Variants in RPIA observed in about 807,000 individuals in gnomAD.
RPIA encodes ribose-5-phosphate isomerase.
In RPIA, 29 loss-of-function variants were observed where a neutral mutation model predicts 37.8. The observed-to-expected ratio is 0.77, with a 90% CI of 0.57 to 1.05. RPIA has a LOEUF of 1.05. Ranked by LOEUF, RPIA falls within the 50% of genes least tolerant of loss-of-function variation. The pLI is 0.00. For synonymous variants in RPIA, 167 were observed against 157.0 expected, an observed-to-expected ratio of 1.06 and a Z score of -0.48; for missense variants, 385 against 413.6, an observed-to-expected ratio of 0.93 and a Z score of 0.60.
chr2:88,694,979 CAAAAA>C (rs61633535), intron 1 of RPIA, among the ~76,000 whole-genome samples: 2 of 119,130 alleles, frequency 1.7e-5, no homozygotes, highest in Non-Finnish European at 3.6e-5. Context: ...AATAAAGTCT[CAAAAA>C]AAAAAAAAAA....
intron 3 of RPIA, among the ~76,000 whole-genome samples, chr2:88,716,760 C>A (rs1268978400): frequency 6.6e-6 from 1 of 152,144 alleles, no homozygotes; most frequent in African/African-American, 2.4e-5. Flanking sequence ...GAAAGGAAGT[C>A]AAAATATTTT....
At chr2:88,729,018 C>T (rs1462842162) in intron 3 of RPIA, among the ~76,000 whole-genome samples, 1 of 152,194 alleles carries the variant, frequency 6.6e-6, no homozygotes, top group Non-Finnish European at 1.5e-5. Context: ...TCTTTCATCA[C>T]AAGTCACTGA....
chr2:88,697,936 A>G (rs562446331), intron 1 of RPIA, among the ~76,000 whole-genome samples: 58 of 152,272 alleles, frequency 3.8e-4, no homozygotes, highest in Non-Finnish European at 5.1e-4. Flanking sequence ...GAAGGTGCCT[A>G]TGGAAGACAC....
chr2:88,715,938 G>A (rs1673029962), intron 3 of RPIA, among the ~76,000 whole-genome samples: 1 of 152,140 alleles, frequency 6.6e-6, no homozygotes, highest in Non-Finnish European at 1.5e-5. Flanking sequence ...GTCAAGCTGG[G>A]AACTATGTCA....
intron 3 of RPIA, among the ~76,000 whole-genome samples, chr2:88,703,642 T>A (rs988043845): frequency 6.6e-6 from 1 of 152,164 alleles, no homozygotes; most frequent in Admixed American, 6.5e-5. Flanking sequence ...CACTTTTTTC[T>A]CCTAGGCCTC....
intron 3 of RPIA, among the ~76,000 whole-genome samples, chr2:88,701,691 A>G (rs1672835041): frequency 6.6e-6 from 1 of 152,296 alleles, no homozygotes; most frequent in Admixed American, 6.5e-5. Flanking sequence ...ACTATAGATC[A>G]GGGACACAGA....
intron 3 of RPIA, among the ~76,000 whole-genome samples, chr2:88,728,541 A>G (rs913134434): frequency 4.6e-5 from 7 of 152,242 alleles, no homozygotes; most frequent in Non-Finnish European, 1.0e-4. Context: ...TGACATGAAC[A>G]TAAACTCACA....
At chr2:88,729,405 C>T (rs1673238213) in intron 4 of RPIA, 68 bp downstream of exon 4, 1 of 1,401,902 alleles carries the variant, frequency 7.1e-7, no homozygotes, top group South Asian at 1.2e-5. Flanking sequence ...GTCACTTGTT[C>T]ATGGGCTCCA....
intron 1 of RPIA, among the ~76,000 whole-genome samples, chr2:88,692,295 GC>G (rs1400091243): frequency 6.6e-6 from 1 of 152,218 alleles, no homozygotes; most frequent in East Asian, 1.9e-4. Flanking sequence ...AGAGGCACTT[GC>G]CTTGTGGCCT....
At chr2:88,706,143 C>T (rs10192976) in intron 3 of RPIA, among the ~76,000 whole-genome samples, 5,966 of 152,106 alleles carry the variant, frequency 0.039, 391 homozygotes, top group African/African-American at 0.14. Flanking sequence ...GAAGATGGTG[C>T]GGCGATTTCT....
At chr2:88,721,094 TC>T (rs1286206500) in intron 3 of RPIA, among the ~76,000 whole-genome samples, 1 of 152,088 alleles carries the variant, frequency 6.6e-6, no homozygotes, top group Non-Finnish European at 1.5e-5. Context: ...AAACCATCAT[TC>T]TTAGCAAACT....
chr2:88,692,054 G>T lies in RPIA; in HGVS notation c.285+71G>T, dbSNP rs963513757. On this transcript the variant is annotated intron_variant, in intron 1 of 8. Coordinates refer to ENST00000283646, the MANE Select transcript of RPIA (RefSeq NM_144563.3). ...GATGGGCTACTGTTGCGCGTTGTGG[G>T]TGCTGCCGGGGCGCGCCTAGCTCCT... The T allele has an allele frequency of 1.7e-5, 26 of 1,504,994 alleles. No homozygotes were observed. The African/African-American group carries it at 2.1e-4, about 12-fold the overall frequency. The allele number at this position is 1,504,994 out of a possible 1,614,324, so 93.2% of individuals were successfully genotyped here.
chr2:88,706,850 A>G (rs1672903761), intron 3 of RPIA, among the ~76,000 whole-genome samples: 1 of 152,188 alleles, frequency 6.6e-6, no homozygotes, highest in South Asian at 2.1e-4. Context: ...TCAACTCCCC[A>G]TTGGGAAAAA....
chr2:88,718,656 C>T (rs551524543), intron 3 of RPIA, among the ~76,000 whole-genome samples: 1 of 152,300 alleles, frequency 6.6e-6, no homozygotes, highest in East Asian at 1.9e-4. Flanking sequence ...GAAGACACAC[C>T]ATTCAAGTTA....
chr2:88,696,525 A>G (rs1672750074), intron 1 of RPIA, among the ~76,000 whole-genome samples: 1 of 151,930 alleles, frequency 6.6e-6, no homozygotes, highest in Non-Finnish European at 1.5e-5. Context: ...GTTTATATAT[A>G]TTATAAACAT....
In RPIA at chr2:88,691,774, G is replaced by A. The variant is rs768447270; in HGVS notation, c.76G>A (p.Ala26Thr). ...APLPGRAGGAASGGGGNSWDL... is the reference protein window; with the variant it reads ...APLPGRAGGATSGGGGNSWDL... ...GCTGCCCGGGAGGGCCGGGGGCGCG[G>A]CCTCCGGCGGAGGAGGGAACAGCTG... Residue 26 changes from alanine to threonine, a missense_variant, in exon 1 of 9, where the codon GCC (alanine) becomes ACC (threonine). Transcript: ENST00000283646. The A allele has an allele frequency of 6.3e-7, 1 of 1,591,974 alleles. No homozygotes were observed. The highest frequency in any genetic ancestry group is 8.5e-7 in the Non-Finnish European group (1 of 1,173,166).
chr2:88,750,630 C>G lies in RPIA; in HGVS notation c.*552C>G. On this transcript the variant is annotated 3_prime_UTR_variant, in exon 9 of 9. Transcript: ENST00000283646. ...AGGTTTATAAAACTGTGGAGTGGAGCGGTATGGTATGGAATGACTTGGAAT... is the reference window on the plus strand; with the variant it reads ...AGGTTTATAAAACTGTGGAGTGGAGGGGTATGGTATGGAATGACTTGGAAT... 1 of 403,844 alleles carries G rather than the reference C, an allele frequency of 2.5e-6. No individual in the cohort carries two copies. The highest frequency in any genetic ancestry group is 4.4e-6 in the Non-Finnish European group (1 of 228,784). 25.0% of individuals were successfully genotyped at this position (403,844 alleles called of 1,614,324 possible).
chr2:88,691,765 G>C lies in RPIA; in HGVS notation c.67G>C (p.Gly23Arg). The C allele has an allele frequency of 1.3e-6, 2 of 1,593,036 alleles. No homozygotes were observed. Among genetic ancestry groups the C allele is most frequent in the Non-Finnish European group, 8.5e-7 (1 of 1,174,104 alleles). Residue 23 changes from glycine (G) to arginine (R), a missense_variant, in exon 1 of 9, where the codon GGG (glycine) becomes CGG (arginine). Gly to Arg is a moderately radical substitution (Grantham distance 125). This residue lies in a region of RPIA where 232 missense variants were observed against 203.0 expected (regional missense o/e 1.14). Coordinates refer to ENST00000283646, the MANE Select transcript of RPIA (RefSeq NM_144563.3). ...RVLAPLPGRA[G>R]GAASGGGGNS... ...CTTGGCCCCGCTGCCCGGGAGGGCC[G>C]GGGGCGCGGCCTCCGGCGGAGGAGG... is the stretch of plus-strand genomic sequence containing the variant.
At chr2:88,726,106 G>A (rs1315572211) in intron 3 of RPIA, among the ~76,000 whole-genome samples, 2 of 152,126 alleles carry the variant, frequency 1.3e-5, no homozygotes, top group Non-Finnish European at 2.9e-5. Context: ...AGTTGAGGGT[G>A]GAGTATGGGG....
Sources: gnomAD v4.1 joint callset for allele counts (sites outside exome capture counted in the v4.1 genomes callset) on GRCh38, gnomAD v4.1.1 for gene constraint, gnomAD v4.1.1 regional missense constraint, MANE v1.5 for transcripts, NCBI Gene and HGNC (gene_info 2026-07-23, HGNC 2026-07-21) for gene names.